CARMIL2: variants seen among roughly 807,000 people sequenced by gnomAD.
CARMIL2 encodes the protein capping protein regulator and myosin 1 linker 2.
CARMIL2 carries 96 observed loss-of-function variants against 173.3 expected under a neutral mutation model. The ratio of observed to expected loss-of-function variants is 0.55; its 90% CI spans 0.47 to 0.66. The LOEUF is 0.66. Among genes scored for constraint, CARMIL2 ranks in the 30% least tolerant of loss-of-function variants. The pLI, the probability that CARMIL2 is intolerant of heterozygous loss-of-function variation, is 0.00. For synonymous variants in CARMIL2, 830 were observed against 817.1 expected, an observed-to-expected ratio of 1.02 and a Z score of -0.27; for missense variants, 1,771 against 1,906.7, an observed-to-expected ratio of 0.93 and a Z score of 1.33.
chr16:67,647,833 G>T lies in CARMIL2; in HGVS notation c.959-13G>T. The T allele has an allele frequency of 6.2e-7, 1 of 1,602,366 alleles. No homozygotes were observed. The highest frequency in any genetic ancestry group is 1.1e-5 in the South Asian group (1 of 89,088). On this transcript the variant is annotated splice_polypyrimidine_tract_variant and intron_variant, in intron 12 of 37. Coordinates refer to ENST00000334583, the MANE Select transcript of CARMIL2 (RefSeq NM_001013838.3). Reference sequence around the variant, plus strand: ...GTCTGTCCAACTGCTGAGTGACCCCGACCCACCACCAGGAATGAGGGCTCT... The same window carrying T: ...GTCTGTCCAACTGCTGAGTGACCCCTACCCACCACCAGGAATGAGGGCTCT...
chr16:67,648,706 G>A lies in CARMIL2; in HGVS notation c.1461G>A (p.Ala487=), dbSNP rs772873886. Residue 487 remains alanine (A), a synonymous_variant, in exon 16 of 38, where the codon GCG becomes GCA. Coordinates refer to ENST00000334583, the MANE Select transcript of CARMIL2 (RefSeq NM_001013838.3). This position sits in a 1 kb window ranked among gnomAD's most constrained non-coding sequence, Gnocchi z 6.1. ...CCAGAGCCCTTTTGGATGGCCTCGC[G>A]CTCAACACGCACCTCCGCGACCTGC... ...DALRALLDGL[A]LNTHLRDLHL... 7 of 1,606,906 alleles carry A rather than the reference G, an allele frequency of 4.4e-6. No homozygotes were observed. In the East Asian group the frequency reaches 1.3e-4, roughly 31 times the overall value.
In CARMIL2 at chr16:67,649,937, GC is replaced by G. The variant is rs2052690909; in HGVS notation, c.2054del (p.Pro685ArgfsTer3). The G allele has an allele frequency of 6.2e-7, 1 of 1,613,026 alleles. No individual in the cohort carries two copies. Among genetic ancestry groups the G allele is most frequent in the Non-Finnish European group, 8.5e-7 (1 of 1,179,802 alleles). The stretch of plus-strand genomic sequence containing the variant: ...GACGTGGCCCAGGCGCAGCGCAGCC[GC>G]CCGGAACTGACAGCACGTGCAGTCC... ...LNDVAQAQRS[R>X]PELTARAVHQ... On this transcript the variant is annotated frameshift_variant, in exon 21 of 38. Coordinates refer to ENST00000334583, the MANE Select transcript of CARMIL2 (RefSeq NM_001013838.3). LOFTEE classifies it high-confidence loss of function. The surrounding 1 kb of genome is among the most constrained non-coding windows in gnomAD (Gnocchi z 6.7).
At position 67,653,898 on chromosome 16, in the gene CARMIL2, G is replaced by A. The variant is rs1008943571; in HGVS notation, c.3121-251G>A. Among the ~76,000 whole-genome samples, 3 of 152,096 alleles carry A rather than the reference G, an allele frequency of 2.0e-5. No homozygotes were observed. Among genetic ancestry groups the A allele is most frequent in the Non-Finnish European group, 2.9e-5 (2 of 67,990 alleles). On this transcript the variant is annotated intron_variant, in intron 29 of 37. Coordinates refer to ENST00000334583, the MANE Select transcript of CARMIL2 (RefSeq NM_001013838.3). This position sits in a 1 kb window ranked among gnomAD's most constrained non-coding sequence, Gnocchi z 7.4. ...TTGCTGGTGACCGGGTGGCTCGGGC[G>A]TGTAGGATACTCTGTGGGACAAGGA...
chr16:67,650,132 C>G lies in CARMIL2; in HGVS notation c.2166C>G (p.Val722=), dbSNP rs1487548557. ...CCCGCCTTCAGCCACTTGGTCTGGT[C>G]TCAGACCCCTCAGAGCAGGTCAATG... ...HTTRLQPLGL[V]SDPSEQEVNE... is the part of the protein sequence containing the mutation. The change falls in exon 22 of 38, where the codon GTC becomes GTG. Residue 722 remains valine, a synonymous_variant. Coordinates refer to ENST00000334583, the MANE Select transcript of CARMIL2 (RefSeq NM_001013838.3). The G allele has an allele frequency of 6.2e-7, 1 of 1,612,054 alleles. No individual in the cohort carries two copies. The highest frequency in any genetic ancestry group is 1.3e-5 in the African/African-American group (1 of 74,900).
chr16:67,656,148 GGGGA>G (rs765574225), intron 33 of CARMIL2, 76 bp from the exon 34 acceptor site: 9 of 1,609,948 alleles, frequency 5.6e-6, no homozygotes, highest in South Asian at 1.1e-5. Context: ...TGCTCTCCTT[GGGGA>G]GGAAGGGGAG....
rs1294662000 is a variant in CARMIL2 at position 67,651,567 on chromosome 16, A to T, written c.2427+53A>T. On this transcript the variant is annotated intron_variant, in intron 24 of 37. Coordinates refer to ENST00000334583, the MANE Select transcript of CARMIL2 (RefSeq NM_001013838.3). The surrounding 1 kb of genome is among the most constrained non-coding windows in gnomAD (Gnocchi z 4.2). Reference sequence around the variant, plus strand: ...ACCTCCGTTTGCAGGTTTGACTCCCATCCTTTAGTTTTAACTGTGATATCC... The same window carrying T: ...ACCTCCGTTTGCAGGTTTGACTCCCTTCCTTTAGTTTTAACTGTGATATCC... 4.5e-6 allele frequency: 7 copies of T among 1,563,474 alleles called. No homozygotes were observed. In the African/African-American group the frequency reaches 6.8e-5, roughly 15 times the overall value.
chr16:67,652,926 C>A lies in CARMIL2; in HGVS notation c.2885-93C>A. The stretch of plus-strand genomic sequence containing the variant: ...ACGGGCGGCGTAGCCGGGCCCCTCC[C>A]CGCGCCCTGGGCGGGTCCCCCGCCG... On this transcript the variant is annotated intron_variant, in intron 28 of 37. Coordinates refer to ENST00000334583, the MANE Select transcript of CARMIL2 (RefSeq NM_001013838.3). The surrounding 1 kb of genome is among the most constrained non-coding windows in gnomAD (Gnocchi z 4.7). The A allele has an allele frequency of 2.4e-6, 1 of 425,484 alleles. No homozygotes were observed. Among genetic ancestry groups the A allele is most frequent in the Non-Finnish European group, 3.5e-6 (1 of 288,722 alleles). 26.4% of individuals were successfully genotyped at this position (425,484 alleles called of 1,614,324 possible).
Position 67,652,078 on chromosome 16 carries a change from G to A in CARMIL2, c.2676+70G>A. 1 of 1,604,642 alleles carries A rather than the reference G, an allele frequency of 6.2e-7. No homozygotes were observed. The highest frequency in any genetic ancestry group is 1.1e-5 in the South Asian group (1 of 90,852). ...CAGTGACTTGGCCATCTCCCTTGCA[G>A]GGGCTCTGTAATGTCTTCTGGGGTC... On this transcript the variant is annotated intron_variant, in intron 26 of 37. Transcript: ENST00000334583. This position sits in a 1 kb window ranked among gnomAD's most constrained non-coding sequence, Gnocchi z 4.7.
rs932703205 is a variant in CARMIL2 at position 67,647,515 on chromosome 16, G to T, written c.784G>T (p.Val262Phe). 1.1e-5 allele frequency: 17 copies of T among 1,604,466 alleles called. No homozygotes were observed. The highest frequency in any genetic ancestry group is 1.7e-5 in the Admixed American group (1 of 58,424). The change falls in exon 11 of 38, where the codon GTC becomes TTC. Residue 262 changes from valine to phenylalanine, a missense_variant. By Grantham distance (50) the Val-to-Phe change is conservative. Coordinates refer to ENST00000334583, the MANE Select transcript of CARMIL2 (RefSeq NM_001013838.3). ...CTGGGGTCTGGTCCCCAGAGACTTT[G>T]TCCGACGACTGGCCCAGGCGCTGGC... is the stretch of plus-strand genomic sequence containing the variant. ...LETCSLRGDF[V>F]RRLAQALAGH...
rs1470675050 is a variant in CARMIL2 at position 67,653,523 on chromosome 16, C to G, written c.3120+269C>G. ...GCGGCCCGCGGCCTCCGTGGCTGCG[C>G]GAGAGAGGGTGTCCGTCCTCCCTCC... On this transcript the variant is annotated intron_variant, in intron 29 of 37. Transcript: ENST00000334583. The surrounding 1 kb of genome is among the most constrained non-coding windows in gnomAD (Gnocchi z 7.4). 1.3e-5 allele frequency among the ~76,000 whole-genome samples: 2 copies of G among 152,120 alleles called. No homozygotes were observed. Among genetic ancestry groups the G allele is most frequent in the Non-Finnish European group, 2.9e-5 (2 of 67,992 alleles).
rs146587474 is a variant in CARMIL2, at chr16:67,655,997, C to T, written c.3706-34C>T. ...AAAAGGCTAGGGTGTGGGGAGCGGGCAGGGCTGGAATCTGATTGCCCTGTT... is the reference window on the plus strand; with the variant it reads ...AAAAGGCTAGGGTGTGGGGAGCGGGTAGGGCTGGAATCTGATTGCCCTGTT... On this transcript the variant is annotated intron_variant, in intron 32 of 37. Coordinates refer to ENST00000334583, the MANE Select transcript of CARMIL2 (RefSeq NM_001013838.3). 36 of 1,567,638 alleles carry T rather than the reference C, an allele frequency of 2.3e-5. No individual in the cohort carries two copies. In the African/African-American group the frequency reaches 3.9e-4, roughly 17 times the overall value.
In CARMIL2 at chr16:67,650,227, G is replaced by A. The variant is rs1366098362; in HGVS notation, c.2184+77G>A. ...CATCCGGGAGCCTCCATGAGTCAGA[G>A]GGTCTGACTTTCCTGGGGCCAGGGT... On this transcript the variant is annotated intron_variant, in intron 22 of 37. Coordinates refer to ENST00000334583, the MANE Select transcript of CARMIL2 (RefSeq NM_001013838.3). 4.8e-6 allele frequency: 6 copies of A among 1,255,032 alleles called. No individual in the cohort carries two copies. The African/African-American group carries it at 5.9e-5, about 12-fold the overall frequency. The allele number at this position is 1,255,032 out of a possible 1,614,324, so 77.7% of individuals were successfully genotyped here. A position where few individuals can be genotyped will look rare whatever the true frequency, so the allele number is the denominator to read the frequency against.
rs547973053 is a variant in CARMIL2, at chr16:67,653,736, C to T, written c.3121-413C>T. On this transcript the variant is annotated intron_variant, in intron 29 of 37. Coordinates refer to ENST00000334583, the MANE Select transcript of CARMIL2 (RefSeq NM_001013838.3). This position sits in a 1 kb window ranked among gnomAD's most constrained non-coding sequence, Gnocchi z 7.4. Reference sequence around the variant, plus strand: ...GCTTGAGGCCCCCCAGAGGGTCTGACGCAGCAGCCGGCGCCACTGAGCCGG... The same window carrying T: ...GCTTGAGGCCCCCCAGAGGGTCTGATGCAGCAGCCGGCGCCACTGAGCCGG... Among the ~76,000 whole-genome samples, 2 of 151,386 alleles carry T rather than the reference C, an allele frequency of 1.3e-5. No individual in the cohort carries two copies. Among genetic ancestry groups the T allele is most frequent in the South Asian group, 2.1e-4 (1 of 4,796 alleles).
At position 67,657,087 on chromosome 16, in the gene CARMIL2, G is replaced by A. The variant is rs573818879; in HGVS notation, c.4118-152G>A. On this transcript the variant is annotated intron_variant, in intron 36 of 37. Coordinates refer to ENST00000334583, the MANE Select transcript of CARMIL2 (RefSeq NM_001013838.3). The surrounding 1 kb of genome is among the most constrained non-coding windows in gnomAD (Gnocchi z 4.5). Reference sequence around the variant, plus strand: ...CTCCACTTCCCGAAGAGCAGCCTCTGCCAGGGGTGAGGACGCAGGGACGGG... The same window carrying A: ...CTCCACTTCCCGAAGAGCAGCCTCTACCAGGGGTGAGGACGCAGGGACGGG... 4 of 811,270 alleles carry A rather than the reference G, an allele frequency of 4.9e-6. No homozygotes were observed. The South Asian group carries it at 6.9e-5, about 14-fold the overall frequency. The allele number at this position is 811,270 out of a possible 1,614,324, so 50.3% of individuals were successfully genotyped here.
chr16:67,651,532 C>T lies in CARMIL2; in HGVS notation c.2427+18C>T. The T allele has an allele frequency of 6.4e-7, 1 of 1,570,746 alleles. No individual in the cohort carries two copies. The highest frequency in any genetic ancestry group is 8.6e-7 in the Non-Finnish European group (1 of 1,157,272). ...ACATCCAGGTGAGAGGGTACTCCTGCCCCAACCCCACCTCCGTTTGCAGGT... is the reference window on the plus strand; with the variant it reads ...ACATCCAGGTGAGAGGGTACTCCTGTCCCAACCCCACCTCCGTTTGCAGGT... On this transcript the variant is annotated intron_variant, in intron 24 of 37. Coordinates refer to ENST00000334583, the MANE Select transcript of CARMIL2 (RefSeq NM_001013838.3). The surrounding 1 kb of genome is among the most constrained non-coding windows in gnomAD (Gnocchi z 4.2).
chr16:67,655,144 G>A (rs1025923748), intron 32 of CARMIL2, among the ~76,000 whole-genome samples: 5 of 152,214 alleles, frequency 3.3e-5, no homozygotes, highest in African/African-American at 9.7e-5. Context: ...GAAATCTGAG[G>A]CCTGGGCCAG....
In CARMIL2 at chr16:67,657,036, C is replaced by T. The variant is rs1445120455; in HGVS notation, c.4117+155C>T. On this transcript the variant is annotated intron_variant, in intron 36 of 37. Coordinates refer to ENST00000334583, the MANE Select transcript of CARMIL2 (RefSeq NM_001013838.3). The surrounding 1 kb of genome is among the most constrained non-coding windows in gnomAD (Gnocchi z 4.5). Reference sequence around the variant, plus strand: ...CAGAAGACCAGGTGCAAGGGTTTGACAGCAAGCCCTTCCAACTAGCACTGG... The same window carrying T: ...CAGAAGACCAGGTGCAAGGGTTTGATAGCAAGCCCTTCCAACTAGCACTGG... 1 of 766,176 alleles carries T rather than the reference C, an allele frequency of 1.3e-6. No homozygotes were observed. Among genetic ancestry groups the T allele is most frequent in the East Asian group, 2.7e-5 (1 of 37,004 alleles). 47.5% of individuals were successfully genotyped at this position (766,176 alleles called of 1,614,324 possible). A position where few individuals can be genotyped will look rare whatever the true frequency, so the allele number is the denominator to read the frequency against.
At position 67,656,871 on chromosome 16, in the gene CARMIL2, G is replaced by A. The variant is rs962408468; in HGVS notation, c.4107G>A (p.Gln1369=). 1 of 1,547,908 alleles carries A rather than the reference G, an allele frequency of 6.5e-7. No homozygotes were observed. ...TGTCTGTGCATGAGGACCAGCTCCAGGCCCCTGCTGGTGAGGGGAGACACC... is the reference window on the plus strand; with the variant it reads ...TGTCTGTGCATGAGGACCAGCTCCAAGCCCCTGCTGGTGAGGGGAGACACC... ...RAVSVHEDQL[Q]APAERPLRLQ... is the part of the protein sequence containing the mutation. Residue 1369 remains glutamine, a synonymous_variant, in exon 36 of 38, where the codon CAG becomes CAA. Transcript: ENST00000334583.
Position 67,657,359 on chromosome 16 carries a change from T to A in CARMIL2, c.4195+43T>A. On this transcript the variant is annotated intron_variant, in intron 37 of 37. Coordinates refer to ENST00000334583, the MANE Select transcript of CARMIL2 (RefSeq NM_001013838.3). This position sits in a 1 kb window ranked among gnomAD's most constrained non-coding sequence, Gnocchi z 4.5. ...CCAGCTGGGAGGGTGGCAGGACTGC[T>A]TAGCCCAGCCCTGACCCTTCCTCTC... 1 of 1,609,262 alleles carries A rather than the reference T, an allele frequency of 6.2e-7. No individual in the cohort carries two copies. The highest frequency in any genetic ancestry group is 8.5e-7 in the Non-Finnish European group (1 of 1,177,164).
Sources: gnomAD v4.1 joint callset for allele counts (sites outside exome capture counted in the v4.1 genomes callset) on GRCh38, gnomAD v4.1.1 for gene constraint, Gnocchi (gnomAD v3.1) non-coding constraint, MANE v1.5 for transcripts, NCBI Gene and HGNC (gene_info 2026-07-23, HGNC 2026-07-21) for gene names.